The following RRBP1 variants were observed in gnomAD, a reference collection of about 807,000 sequenced individuals.
The protein encoded by RRBP1 is ribosome binding protein 1, also known as ribosome-binding protein 1.
A neutral mutation model predicts 165.2 loss-of-function variants in RRBP1; 94 were observed. The observed-to-expected ratio is 0.57, with a 90% CI of 0.48 to 0.68. The LOEUF is 0.68. Ranked by LOEUF, RRBP1 falls within the 30% of genes least tolerant of loss-of-function variation. The probability of loss-of-function intolerance (pLI) is 0.00; values close to 1 mark genes in which losing one functional copy is unlikely to be tolerated. For synonymous variants in RRBP1, 680 were observed against 714.5 expected (o/e 0.95, Z 0.77); for missense variants, 1,676 against 1,763.0 (o/e 0.95, Z 0.88).
chr20:17,621,946 T>C lies in RRBP1; in HGVS notation c.3149A>G (p.Glu1050Gly). 6.8e-7 allele frequency: 1 copy of C among 1,476,838 alleles called. No individual in the cohort carries two copies. Among genetic ancestry groups the C allele is most frequent in the Non-Finnish European group, 9.4e-7 (1 of 1,060,528 alleles). 91.5% of individuals were successfully genotyped at this position (1,476,838 alleles called of 1,614,324 possible). The part of the protein sequence containing the change: ...EKLLSLTQAK[E>G]ESEKQLCLIE... ...CAGACAGAGCTGCTTCTCCGATTCCTCCTGGGGGGTGGGTGGGGAAGAGCG... is the reference window on the plus strand; with the variant it reads ...CAGACAGAGCTGCTTCTCCGATTCCCCCTGGGGGGTGGGTGGGGAAGAGCG... Residue 1050 changes from glutamate to glycine, a missense_variant and splice_region_variant, in exon 14 of 25, where the codon GAG becomes GGG. By Grantham distance (98) the Glu-to-Gly change is moderately conservative. This residue lies in a region of RRBP1 where 1,184 missense variants were observed against 1,167.1 expected (regional missense o/e 1.01). Coordinates refer to ENST00000377813, the MANE Select transcript of RRBP1 (RefSeq NM_001365613.2).
chr20:17,660,108 A>C lies in RRBP1; in HGVS notation c.400T>G (p.Ser134Ala), dbSNP rs780377467. ...VPAMPQEKLA[S>A]SPKDKKKKEK... ...TTCTTCTTTTTGTCCTTGGGGGAGGAGGCCAGCTTCTCCTGGGGCATGGCT... is the reference window on the plus strand; with the variant it reads ...TTCTTCTTTTTGTCCTTGGGGGAGGCGGCCAGCTTCTCCTGGGGCATGGCT... Residue 134 changes from serine (S) to alanine (A), a missense_variant, in exon 3 of 25, where the codon TCC becomes GCC. Coordinates refer to ENST00000377813, the MANE Select transcript of RRBP1 (RefSeq NM_001365613.2). 3.7e-6 allele frequency: 6 copies of C among 1,613,838 alleles called. No homozygotes were observed. Among genetic ancestry groups the C allele is most frequent in the African/African-American group, 2.7e-5 (2 of 74,808 alleles).
Position 17,627,352 on chromosome 20 carries a change from T to A in RRBP1, c.2959A>T (p.Thr987Ser), listed in dbSNP as rs1431765156. ...CAGGCTGCTTCCCCAGCTTACCGAGTCTGCTGCTGGTCAGCCTCCGCCTGG... is the reference window on the plus strand; with the variant it reads ...CAGGCTGCTTCCCCAGCTTACCGAGACTGCTGCTGGTCAGCCTCCGCCTGG... ...ASQAEADQQQ[T>S]RLKELESQVS... is the part of the protein sequence containing the mutation. The change falls in exon 11 of 25, where the codon ACT becomes TCT. Residue 987 changes from threonine (T) to serine (S), a missense_variant. Coordinates refer to ENST00000377813, the MANE Select transcript of RRBP1 (RefSeq NM_001365613.2). 1 of 1,613,402 alleles carries A rather than the reference T, an allele frequency of 6.2e-7. No individual in the cohort carries two copies.
At chr20:17,663,048 C>T (rs930942089) in intron 2 of RRBP1, among the ~76,000 whole-genome samples, 8 of 152,142 alleles carry the variant, frequency 5.3e-5, no homozygotes, top group African/African-American at 1.9e-4. Context: ...AAACACTCCC[C>T]TTCTCTAGAG....
At chr20:17,630,447 G>A (rs922004045) in intron 8 of RRBP1, among the ~76,000 whole-genome samples, 9 of 152,280 alleles carry the variant, frequency 5.9e-5, no homozygotes, top group South Asian at 2.1e-4. Context: ...GTTGAACCAC[G>A]TGAAATTGTC....
rs546905163 is a variant in RRBP1, at chr20:17,643,026, C to T, written c.2014G>A (p.Glu672Lys). 12 of 1,614,076 alleles carry T rather than the reference C, an allele frequency of 7.4e-6. No homozygotes were observed. Among genetic ancestry groups the T allele is most frequent in the South Asian group, 3.3e-5 (3 of 91,080 alleles). The stretch of plus-strand genomic sequence containing the variant: ...ATGCCAGCCTTCTCAGACAGGATCT[C>T]GATGAGCCGCTGGGCCTCGCCCTCG... ...FNEGEAQRLI[E>K]ILSEKAGIIQ... is the part of the protein sequence containing the mutation. Residue 672 changes from glutamate to lysine, a missense_variant, in exon 4 of 25, where the codon GAG becomes AAG. Physicochemically the swap from Glu to Lys is moderately conservative, Grantham distance 56. Around this residue, in one of 5 missense-constraint regions of RRBP1, gnomAD observed 1,184 missense variants for 1,167.1 expected, o/e 1.01. Coordinates refer to ENST00000377813, the MANE Select transcript of RRBP1 (RefSeq NM_001365613.2). The surrounding 1 kb of genome is among the most constrained non-coding windows in gnomAD (Gnocchi z 4.3).
At position 17,643,701 on chromosome 20, in the gene RRBP1, G is replaced by C. The variant is rs1343317572; in HGVS notation, c.1913-574C>G. Among the ~76,000 whole-genome samples, 1 of 152,156 alleles carries C rather than the reference G, an allele frequency of 6.6e-6. No individual in the cohort carries two copies. On this transcript the variant is annotated intron_variant, in intron 3 of 24. Coordinates refer to ENST00000377813, the MANE Select transcript of RRBP1 (RefSeq NM_001365613.2). This position sits in a 1 kb window ranked among gnomAD's most constrained non-coding sequence, Gnocchi z 4.3. The stretch of plus-strand genomic sequence containing the variant: ...GTGCAAACCCTATTTCTAGCTCCCT[G>C]GATGAAGCCCAGGCAGTGACAGGGT...
chr20:17,635,920 C>T (rs2036239261), intron 6 of RRBP1, among the ~76,000 whole-genome samples: 1 of 152,234 alleles, frequency 6.6e-6, no homozygotes, highest in African/African-American at 2.4e-5. Context: ...AGGCTGAACA[C>T]TCAGCCCAGG....
At chr20:17,660,619 T>C (rs1056391002) in intron 2 of RRBP1, 91 bp from the exon 3 acceptor site, 11 of 769,998 alleles carry the variant, frequency 1.4e-5, no homozygotes, top group Admixed American at 2.6e-5. Flanking sequence ...CAGGTTTCAC[T>C]AATTCTTTCT....
intron 3 of RRBP1, among the ~76,000 whole-genome samples, chr20:17,651,217 A>G (rs1334752264): frequency 2.0e-5 from 3 of 152,236 alleles, no homozygotes; most frequent in African/African-American, 7.2e-5. Context: ...TCCTGAAGTT[A>G]GAATCATTCC....
Position 17,659,604 on chromosome 20 carries a change from C to T in RRBP1, c.904G>A (p.Val302Ile). The T allele has an allele frequency of 3.2e-6, 5 of 1,550,074 alleles. No homozygotes were observed. Among genetic ancestry groups the T allele is most frequent in the Non-Finnish European group, 4.4e-6 (5 of 1,146,752 alleles). The change falls in exon 3 of 25, where the codon GTA (valine) becomes ATA (isoleucine). Residue 302 changes from valine to isoleucine, a missense_variant. By Grantham distance (29) the Val-to-Ile change is conservative (BLOSUM62 3). Around this residue, in one of 5 missense-constraint regions of RRBP1, gnomAD observed 392 missense variants for 382.5 expected, o/e 1.02. Coordinates refer to ENST00000377813, the MANE Select transcript of RRBP1 (RefSeq NM_001365613.2). ...AEGAQNQAKK[V>I]EGAQNQGKKA... The stretch of plus-strand genomic sequence containing the variant: ...TTGCCCTGGTTCTGGGCCCCTTCTA[C>T]CTTTTTGGCCTGGTTCTGAGCCCCC...
Position 17,643,897 on chromosome 20 carries a change from T to C in RRBP1, c.1913-770A>G, listed in dbSNP as rs184205528. Among the ~76,000 whole-genome samples, 24 of 152,254 alleles carry C rather than the reference T, an allele frequency of 1.6e-4. No individual in the cohort carries two copies. In the South Asian group the frequency reaches 3.3e-3, roughly 21 times the overall value. ...CCCCACACACATGGTTTTGTTCTCATTGGGGCTTGAATGCAGCCTCGGAAG... is the reference window on the plus strand; with the variant it reads ...CCCCACACACATGGTTTTGTTCTCACTGGGGCTTGAATGCAGCCTCGGAAG... On this transcript the variant is annotated intron_variant, in intron 3 of 24. Transcript: ENST00000377813. This position sits in a 1 kb window ranked among gnomAD's most constrained non-coding sequence, Gnocchi z 4.3.
intron 2 of RRBP1, among the ~76,000 whole-genome samples, chr20:17,662,505 G>A (rs1484548673): frequency 6.6e-6 from 1 of 152,144 alleles, no homozygotes; most frequent in Non-Finnish European, 1.5e-5. Context: ...CCTCTACAAA[G>A]TCTTAGGGGA....
chr20:17,618,179 C>T (rs993027209), intron 20 of RRBP1, among the ~76,000 whole-genome samples: 6 of 152,232 alleles, frequency 3.9e-5, no homozygotes, highest in African/African-American at 9.6e-5. Context: ...ACAGAAGGCA[C>T]GGGACTTGCT....
intron 20 of RRBP1, among the ~76,000 whole-genome samples, chr20:17,617,830 T>A (rs985016472): frequency 1.3e-5 from 2 of 152,216 alleles, no homozygotes; most frequent in Non-Finnish European, 2.9e-5. Context: ...TTTCTCCCTG[T>A]TGACAACTAA....
chr20:17,639,084 G>A (rs1455444905), intron 5 of RRBP1, among the ~76,000 whole-genome samples: 1 of 152,250 alleles, frequency 6.6e-6, no homozygotes, highest in Non-Finnish European at 1.5e-5. Context: ...CATGGCTTCA[G>A]GACAGAGGTT....
chr20:17,665,273 G>C (rs1350976493), intron 2 of RRBP1, among the ~76,000 whole-genome samples: 1 of 152,190 alleles, frequency 6.6e-6, no homozygotes, highest in Non-Finnish European at 1.5e-5. Context: ...TTGTGTGTTG[G>C]TAATTGCTGT....
chr20:17,639,594 G>GT (rs552823318), intron 5 of RRBP1, among the ~76,000 whole-genome samples: 107 of 152,278 alleles, frequency 7.0e-4, no homozygotes, highest in African/African-American at 2.3e-3. Flanking sequence ...CAGTGTTACC[G>GT]TAAGAATGAG....
At chr20:17,666,060 T>C (rs1470242825) in intron 2 of RRBP1, among the ~76,000 whole-genome samples, 1 of 152,214 alleles carries the variant, frequency 6.6e-6, no homozygotes, top group Non-Finnish European at 1.5e-5. Context: ...CAATGCCACA[T>C]TTTCAGCTTA....
At chr20:17,619,346 C>CATT (rs2035863332) in intron 19 of RRBP1, 3 of 352,324 alleles carry the variant, frequency 8.5e-6, no homozygotes, top group Non-Finnish European at 1.5e-5. Context: ...GCAGAGAATC[C>CATT]CCTTGCGGAG....
Sources: allele counts gnomAD v4.1 joint callset (sites outside exome capture counted in the v4.1 genomes callset), GRCh38; gene constraint gnomAD v4.1.1; regional missense constraint gnomAD v4.1.1; non-coding constraint Gnocchi (gnomAD v3.1); transcripts MANE v1.5; gene names NCBI Gene and HGNC (gene_info 2026-07-23, HGNC 2026-07-21).